CCNB1IP1: variants seen among roughly 807,000 people sequenced by gnomAD.
CCNB1IP1 encodes the protein E3 ubiquitin-protein ligase CCNB1IP1.
Under a neutral mutation model 25.6 loss-of-function variants are expected in CCNB1IP1, and 14 were observed. That is an observed-to-expected ratio of 0.55 (90% confidence interval 0.36 to 0.85). The LOEUF is 0.85. CCNB1IP1 is among the 40% of genes least tolerant of loss of function. The pLI is 0.01. For synonymous variants in CCNB1IP1, 119 were observed against 116.1 expected, an observed-to-expected ratio of 1.02 and a Z score of -0.16; for missense variants, 278 against 342.4, an observed-to-expected ratio of 0.81 and a Z score of 1.48.
chr14:20,317,884 C>T (rs1200288612), intron 4 of CCNB1IP1: 1 of 152,268 alleles, frequency 6.6e-6, no homozygotes, highest in African/African-American at 2.4e-5. Context: ...GCGAGTGCTT[C>T]AGGGAACTAC....
chr14:20,322,612 T>C (rs1435391192), intron 4 of CCNB1IP1, among the ~76,000 whole-genome samples: 3 of 145,766 alleles, frequency 2.1e-5, no homozygotes, highest in Admixed American at 6.8e-5. Flanking sequence ...GTTTTATATA[T>C]ATATATATAA....
intron 5 of CCNB1IP1, among the ~76,000 whole-genome samples, chr14:20,315,274 G>GACAATACCAACTTCTGGCA (rs1882653336): frequency 6.6e-6 from 1 of 151,840 alleles, no homozygotes; most frequent in African/African-American, 2.4e-5. Context: ...CCAGAACATG[G>GACAATACCAACTTCTGGCA]ACAATACCAA....
At chr14:20,326,830 G>A (rs1883091089) in intron 2 of CCNB1IP1, 37 bp from the exon 3 acceptor site, 1 of 247,216 alleles carries the variant, frequency 4.0e-6, no homozygotes, top group Non-Finnish European at 8.2e-6. Context: ...ATTCACAAAG[G>A]TTATGATTAC....
intron 5 of CCNB1IP1, among the ~76,000 whole-genome samples, chr14:20,315,263 C>T (rs1338561271): frequency 1.3e-5 from 2 of 151,492 alleles, no homozygotes; most frequent in East Asian, 3.9e-4. Context: ...ATGGCCAAGA[C>T]CCAGAACATG....
At chr14:20,320,181 T>C in intron 4 of CCNB1IP1, 5 of 349,794 alleles carry the variant, frequency 1.4e-5, no homozygotes, top group South Asian at 8.8e-5. Context: ...TTTGTACTTA[T>C]GTCTACTCCA....
chr14:20,317,687 G>GT (rs1406068089), intron 4 of CCNB1IP1: 1 of 152,194 alleles, frequency 6.6e-6, no homozygotes, highest in Non-Finnish European at 1.5e-5. Context: ...TACAAGCTGC[G>GT]TGAGGGGCAA....
Position 20,316,109 on chromosome 14 carries a change from A to G in CCNB1IP1, c.297+118T>C, listed in dbSNP as rs935661684. On this transcript the variant is annotated intron_variant, in intron 5 of 6. Transcript: ENST00000358932. Reference sequence around the variant, plus strand: ...TATTGCTTTTGAAAACAATTTAATAAAAAGAGTTTCTCATATACTCATAAA... The same window carrying G: ...TATTGCTTTTGAAAACAATTTAATAGAAAGAGTTTCTCATATACTCATAAA... 3.5e-5 allele frequency: 31 copies of G among 895,718 alleles called. No homozygotes were observed. The African/African-American group carries it at 5.2e-4, about 15-fold the overall frequency. The allele number at this position is 895,718 out of a possible 1,614,324, so 55.5% of individuals were successfully genotyped here.
intron 4 of CCNB1IP1, among the ~76,000 whole-genome samples, chr14:20,320,592 T>G (rs1882859115): frequency 1.3e-5 from 2 of 152,022 alleles, no homozygotes; most frequent in African/African-American, 2.4e-5. Flanking sequence ...TCACCTGAGG[T>G]CAGGAGTTTG....
intron 4 of CCNB1IP1, among the ~76,000 whole-genome samples, chr14:20,319,953 G>A (rs146377489): frequency 2.6e-5 from 4 of 152,330 alleles, no homozygotes; most frequent in African/African-American, 4.8e-5. Context: ...TGATGACAGC[G>A]AAATGGTATC....
At chr14:20,327,851 A>G (rs1883123006) in intron 2 of CCNB1IP1, among the ~76,000 whole-genome samples, 1 of 152,214 alleles carries the variant, frequency 6.6e-6, no homozygotes, top group Non-Finnish European at 1.5e-5. Context: ...GGAAGGCTTC[A>G]TGAAGCAAAA....
Position 20,311,436 on chromosome 14 carries a change from GTGCAGTGGCATGA to G in CCNB1IP1, c.*101_*113del. ...GTCTCACTCTGTTGCCCAGGCTGGA[GTGCAGTGGCATGA>G]TCTTAGATCACTAAAGCCTCAGACT... On this transcript the variant is annotated 3_prime_UTR_variant, in exon 7 of 7. Transcript: ENST00000358932. 1 of 814,148 alleles carries G rather than the reference GTGCAGTGGCATGA, an allele frequency of 1.2e-6. No individual in the cohort carries two copies. Among genetic ancestry groups the G allele is most frequent in the Non-Finnish European group, 2.1e-6 (1 of 483,858 alleles). 50.4% of individuals were successfully genotyped at this position (814,148 alleles called of 1,614,324 possible).
Position 20,316,552 on chromosome 14 carries a change from A to G in CCNB1IP1, c.-29T>C. On this transcript the variant is annotated 5_prime_UTR_variant, in exon 5 of 7. Transcript: ENST00000358932. Reference sequence around the variant, plus strand: ...AGGATAGTGAGGTCTCCAGAAGCTGAAGAGAGGCCTAAGAAGGGGTAAATA... The same window carrying G: ...AGGATAGTGAGGTCTCCAGAAGCTGGAGAGAGGCCTAAGAAGGGGTAAATA... 1 of 1,580,152 alleles carries G rather than the reference A, an allele frequency of 6.3e-7. No individual in the cohort carries two copies.
At chr14:20,329,973 T>C (rs1883184592) in intron 1 of CCNB1IP1, among the ~76,000 whole-genome samples, 1 of 152,126 alleles carries the variant, frequency 6.6e-6, no homozygotes, top group Non-Finnish European at 1.5e-5. Context: ...AGGTAATAAA[T>C]ACATTTTGCA....
rs557677896 is a variant in CCNB1IP1, at chr14:20,333,267, C to T, written c.-444G>A. The T allele has an allele frequency of 6.6e-6, 1 of 152,376 alleles. No individual in the cohort carries two copies. The highest frequency in any genetic ancestry group is 1.9e-4 in the East Asian group (1 of 5,184). 9.4% of individuals were successfully genotyped at this position (152,376 alleles called of 1,614,324 possible). ...GCGCACACTCACCAGCCCACCAAAA[C>T]GGAGAGGGAAAGAAAGTGGAGAGAC... On this transcript the variant is annotated 5_prime_UTR_variant, in exon 1 of 7. Coordinates refer to ENST00000358932, the MANE Select transcript of CCNB1IP1 (RefSeq NM_021178.5).
At chr14:20,330,732 C>CGCCATGCCCCAAAA (rs1883212151) in intron 1 of CCNB1IP1, 1 of 152,310 alleles carries the variant, frequency 6.6e-6, no homozygotes, top group African/African-American at 2.4e-5. Context: ...AGGCATGCAC[C>CGCCATGCCCCAAAA]AACACGCCCG....
chr14:20,313,230 C>G (rs1263631854), intron 6 of CCNB1IP1, among the ~76,000 whole-genome samples: 2 of 152,158 alleles, frequency 1.3e-5, no homozygotes, highest in African/African-American at 4.8e-5. Context: ...TAGCAATGTG[C>G]AAACTTTCAT....
At chr14:20,321,051 T>G (rs898162502) in intron 4 of CCNB1IP1, among the ~76,000 whole-genome samples, 5 of 149,808 alleles carry the variant, frequency 3.3e-5, no homozygotes, top group Non-Finnish European at 5.9e-5. Flanking sequence ...GGCAGGAGAA[T>G]AGCTTGAACC....
At chr14:20,330,986 A>G (rs933241222) in intron 1 of CCNB1IP1, 2 of 152,172 alleles carry the variant, frequency 1.3e-5, no homozygotes, top group African/African-American at 4.8e-5. Context: ...TAACAAAAGC[A>G]TGCTTCCATT....
chr14:20,311,374 G>A lies in CCNB1IP1; in HGVS notation c.*176C>T. The A allele has an allele frequency of 2.2e-6, 1 of 457,692 alleles. No individual in the cohort carries two copies. Among genetic ancestry groups the A allele is most frequent in the African/African-American group, 2.0e-5 (1 of 50,950 alleles). The allele number at this position is 457,692 out of a possible 1,614,324, so 28.4% of individuals were successfully genotyped here. On this transcript the variant is annotated 3_prime_UTR_variant, in exon 7 of 7. Coordinates refer to ENST00000358932, the MANE Select transcript of CCNB1IP1 (RefSeq NM_021178.5). ...GATGAACATAGAAACAGTCTGTAAA[G>A]TTAGCTAAATTATCTTTATTTTTTT...
Sources: gnomAD v4.1 joint callset for allele counts (sites outside exome capture counted in the v4.1 genomes callset) on GRCh38, gnomAD v4.1.1 for gene constraint, MANE v1.5 for transcripts, NCBI Gene and HGNC (gene_info 2026-07-23, HGNC 2026-07-21) for gene names.